The following LYPD6B variants were observed in gnomAD, a reference collection of about 807,000 sequenced individuals.
LYPD6B encodes the protein LY6/PLAUR domain containing 6B.
LYPD6B carries 17 observed loss-of-function variants against 22.8 expected under a neutral mutation model. The observed-to-expected ratio is 0.75, with a 90% CI of 0.51 to 1.12. The LOEUF is 1.12. Among genes scored for constraint, LYPD6B ranks in the 50% most tolerant of loss-of-function variants. The pLI is 0.00. For synonymous variants in LYPD6B, 106 were observed against 91.6 expected (o/e 1.16, Z -0.90); for missense variants, 221 against 258.3 (o/e 0.86, Z 0.99).
chr2:149,057,521 T>C (rs1241716234), intron 1 of LYPD6B, among the ~76,000 whole-genome samples: 1 of 152,016 alleles, frequency 6.6e-6, no homozygotes, highest in Non-Finnish European at 1.5e-5. Context: ...AGAAGGGAAA[T>C]AGGAAAATAA....
intron 1 of LYPD6B, among the ~76,000 whole-genome samples, chr2:149,091,060 T>A (rs1017689774): frequency 6.6e-6 from 1 of 152,206 alleles, no homozygotes; most frequent in Non-Finnish European, 1.5e-5. Flanking sequence ...TAGGTCTCAC[T>A]TCTTGATGTC....
intron 2 of LYPD6B, among the ~76,000 whole-genome samples, chr2:149,152,052 A>C (rs1227447423): frequency 6.6e-6 from 1 of 152,106 alleles, no homozygotes; most frequent in Non-Finnish European, 1.5e-5. Flanking sequence ...GATCTATTTT[A>C]AGTTCTACCT....
intron 1 of LYPD6B, among the ~76,000 whole-genome samples, chr2:149,088,313 T>C (rs1685494896): frequency 6.6e-6 from 1 of 152,198 alleles, no homozygotes; most frequent in Non-Finnish European, 1.5e-5. Flanking sequence ...TGATCTGTGT[T>C]TTCAGTGTAG....
intron 2 of LYPD6B, among the ~76,000 whole-genome samples, chr2:149,148,623 G>A (rs1689179294): frequency 6.6e-6 from 1 of 152,188 alleles, no homozygotes; most frequent in Non-Finnish European, 1.5e-5. Flanking sequence ...TATCACGTAA[G>A]TCAGAAATGG....
chr2:149,124,598 C>T (rs1014168549), intron 1 of LYPD6B, among the ~76,000 whole-genome samples: 1 of 152,154 alleles, frequency 6.6e-6, no homozygotes, highest in Non-Finnish European at 1.5e-5. Flanking sequence ...AGCCGGGCAA[C>T]TATTAGCCGT....
At chr2:149,074,065 C>T (rs1026891) in intron 1 of LYPD6B, among the ~76,000 whole-genome samples, 4,678 of 152,164 alleles carry the variant, frequency 0.031, 241 homozygotes, top group African/African-American at 0.11. Flanking sequence ...GCAAATGCAA[C>T]GAGTGCTTTC....
chr2:149,176,351 A>G (rs558498238), intron 3 of LYPD6B, among the ~76,000 whole-genome samples: 2 of 152,358 alleles, frequency 1.3e-5, no homozygotes, highest in South Asian at 4.1e-4. Context: ...TTATAAACAT[A>G]AAAGAGTAAA....
chr2:149,184,597 A>G (rs1466551144), intron 3 of LYPD6B, among the ~76,000 whole-genome samples: 1 of 152,206 alleles, frequency 6.6e-6, no homozygotes, highest in Non-Finnish European at 1.5e-5. Flanking sequence ...TCCCTGAAGA[A>G]TTTTATAACC....
At chr2:149,133,201 T>C (rs1485908625) in intron 2 of LYPD6B, among the ~76,000 whole-genome samples, 1 of 152,120 alleles carries the variant, frequency 6.6e-6, no homozygotes, top group East Asian at 1.9e-4. Flanking sequence ...TTTAATGAGG[T>C]ACTAAAACCC....
chr2:149,082,169 A>C (rs1685165995), intron 1 of LYPD6B, among the ~76,000 whole-genome samples: 1 of 152,116 alleles, frequency 6.6e-6, no homozygotes, highest in South Asian at 2.1e-4. Flanking sequence ...TCTCCCCCTT[A>C]ATATCTGTCT....
At chr2:149,073,724 C>G (rs905530926) in intron 1 of LYPD6B, among the ~76,000 whole-genome samples, 1 of 152,048 alleles carries the variant, frequency 6.6e-6, no homozygotes, top group Non-Finnish European at 1.5e-5. Context: ...TAGGTACCTG[C>G]TGGACCATCG....
chr2:149,102,023 A>G (rs1233252522), intron 1 of LYPD6B, among the ~76,000 whole-genome samples: 1 of 152,218 alleles, frequency 6.6e-6, no homozygotes. Context: ...AGCCACAAAG[A>G]GAGAGCTGCA....
At chr2:149,139,264 A>G (rs941258564) in intron 2 of LYPD6B, among the ~76,000 whole-genome samples, 2 of 152,182 alleles carry the variant, frequency 1.3e-5, no homozygotes, top group African/African-American at 4.8e-5. Context: ...TTCTCCACTC[A>G]GCTTATTAGC....
intron 3 of LYPD6B, among the ~76,000 whole-genome samples, chr2:149,175,718 ATT>A (rs35640623): frequency 7.1e-6 from 1 of 141,194 alleles, no homozygotes. Context: ...TTAATTTTTA[ATT>A]TTTTTTTTTT....
chr2:149,096,738 G>C (rs1685918644), intron 1 of LYPD6B, among the ~76,000 whole-genome samples: 1 of 152,052 alleles, frequency 6.6e-6, no homozygotes, highest in African/African-American at 2.4e-5. Context: ...CTTTCTGCAG[G>C]TGGGAAAAGA....
chr2:149,045,536 A>G (rs1270284632), intron 1 of LYPD6B, among the ~76,000 whole-genome samples: 2 of 152,086 alleles, frequency 1.3e-5, no homozygotes, highest in Admixed American at 6.5e-5. Flanking sequence ...ATTTAATGCT[A>G]TACATTTCCC....
chr2:149,148,013 A>T (rs1689143440), intron 2 of LYPD6B, among the ~76,000 whole-genome samples: 1 of 151,218 alleles, frequency 6.6e-6, no homozygotes, highest in Non-Finnish European at 1.5e-5. Flanking sequence ...TTTTCAGGAT[A>T]TTTCAAGATG....
At chr2:149,045,376 T>A (rs566972530) in intron 1 of LYPD6B, among the ~76,000 whole-genome samples, 1 of 152,148 alleles carries the variant, frequency 6.6e-6, no homozygotes, top group East Asian at 1.9e-4. Context: ...CAGATTTTGG[T>A]TTAATTTTGT....
At chr2:149,197,531 C>T (rs1279560859) in intron 3 of LYPD6B, among the ~76,000 whole-genome samples, 1 of 151,942 alleles carries the variant, frequency 6.6e-6, no homozygotes, top group Non-Finnish European at 1.5e-5. Flanking sequence ...AATAAATGGC[C>T]AAATGATGGA....
Sources: gnomAD v4.1 joint callset for allele counts (sites outside exome capture counted in the v4.1 genomes callset) on GRCh38, gnomAD v4.1.1 for gene constraint, MANE v1.5 for transcripts, NCBI Gene and HGNC (gene_info 2026-07-23, HGNC 2026-07-21) for gene names.